Variants in FECH observed in about 807,000 individuals in gnomAD.
The protein encoded by FECH is ferrochelatase, mitochondrial.
In FECH, 40 loss-of-function variants were observed where a neutral mutation model predicts 56.9. That is an observed-to-expected ratio of 0.70 (90% confidence interval 0.55 to 0.92). The LOEUF is 0.92. FECH is among the 40% of genes least tolerant of loss of function. FECH has a pLI of 0.00. For synonymous variants in FECH, 175 were observed against 198.6 expected (o/e 0.88, Z 1.00); for missense variants, 431 against 529.1 (o/e 0.81, Z 1.82).
intron 4 of FECH, among the ~76,000 whole-genome samples, chr18:57,568,670 C>G (rs2122308111): frequency 6.6e-6 from 1 of 152,276 alleles, no homozygotes; most frequent in East Asian, 1.9e-4. Flanking sequence ...TACGTACCCT[C>G]AGAGCAGCTG....
intron 8 of FECH, 41 bp downstream of exon 8, chr18:57,554,804 C>A: frequency 6.7e-7 from 1 of 1,498,656 alleles, no homozygotes; most frequent in Non-Finnish European, 9.3e-7. Context: ...ATAAATTTTA[C>A]CAATAAGAGC....
At chr18:57,580,638 A>C (rs1286288365) in intron 1 of FECH, among the ~76,000 whole-genome samples, 1 of 152,162 alleles carries the variant, frequency 6.6e-6, no homozygotes, top group East Asian at 1.9e-4. Context: ...TCTGCCTCCA[A>C]GCCTTCTTCG....
At chr18:57,559,431 T>C (rs1396868475) in intron 6 of FECH, among the ~76,000 whole-genome samples, 188 bp from the exon 7 acceptor site, 17 of 152,216 alleles carry the variant, frequency 1.1e-4, no homozygotes, top group Non-Finnish European at 4.4e-5. Context: ...AAATGGATCA[T>C]AACAGTTTCA....
At chr18:57,566,704 G>T in intron 4 of FECH, 123 bp from the exon 5 acceptor site, 1 of 1,197,920 alleles carries the variant, frequency 8.3e-7, no homozygotes, top group Non-Finnish European at 1.2e-6. Flanking sequence ...TGGCACTGAC[G>T]GTGAAGGCAA....
At chr18:57,576,955 T>G (rs2122343902) in intron 2 of FECH, among the ~76,000 whole-genome samples, 1 of 152,334 alleles carries the variant, frequency 6.6e-6, no homozygotes, top group East Asian at 1.9e-4. Context: ...GCAAAATATA[T>G]TTAAAACTTC....
intron 9 of FECH, among the ~76,000 whole-genome samples, chr18:57,552,911 A>G (rs1446836020): frequency 6.6e-6 from 1 of 152,172 alleles, no homozygotes; most frequent in Non-Finnish European, 1.5e-5. Flanking sequence ...AGAAAAATAT[A>G]TACCAACACT....
In FECH at chr18:57,570,032, C is replaced by CGTGT. The variant is rs10608112; in HGVS notation, c.463+1356_463+1359dup. Reference sequence around the variant, plus strand: ...TTGCTGTTGTTGTTGTTGTTGTTGTCGTGTGTGTGTGTGTGTGTGTGTGTG... The same window carrying CGTGT: ...TTGCTGTTGTTGTTGTTGTTGTTGTCGTGTGTGTGTGTGTGTGTGTGTGTGTGTG... On this transcript the variant is annotated intron_variant, in intron 4 of 10. Coordinates refer to ENST00000262093, the MANE Select transcript of FECH (RefSeq NM_000140.5). Among the ~76,000 whole-genome samples, 890 of 122,822 alleles carry CGTGT rather than the reference C, an allele frequency of 7.2e-3. 10 individuals are homozygous for CGTGT. Among genetic ancestry groups the CGTGT allele is most frequent in the East Asian group, 0.023 (80 of 3,430 alleles). The allele number at this position is 122,822 out of a possible 152,430, so 80.6% of individuals were successfully genotyped here.
intron 1 of FECH, among the ~76,000 whole-genome samples, chr18:57,582,908 T>C (rs2122369710): frequency 6.7e-6 from 1 of 149,742 alleles, no homozygotes; most frequent in East Asian, 2.0e-4. Context: ...TGAGACTCCA[T>C]CTCAAAAAAA....
intron 4 of FECH, among the ~76,000 whole-genome samples, chr18:57,567,234 T>C (rs1416684411): frequency 6.6e-6 from 1 of 152,184 alleles, no homozygotes; most frequent in East Asian, 1.9e-4. Context: ...ATGATTAAAA[T>C]GATTCTCCTC....
At chr18:57,572,967 T>TA (rs2051135980) in intron 3 of FECH, 1 of 436,874 alleles carries the variant, frequency 2.3e-6, no homozygotes, top group African/African-American at 2.0e-5. Flanking sequence ...AATATATCTT[T>TA]AAAAATCTTT....
Position 57,573,383 on chromosome 18 carries a change from C to T in FECH, c.195-18G>A. 1 of 1,613,824 alleles carries T rather than the reference C, an allele frequency of 6.2e-7. No homozygotes were observed. The highest frequency in any genetic ancestry group is 8.5e-7 in the Non-Finnish European group (1 of 1,179,864). ...TCGGCTTCCTATATAAAATAAAATACAACGGTTGATTTGTCACACTTCTTA... is the reference window on the plus strand; with the variant it reads ...TCGGCTTCCTATATAAAATAAAATATAACGGTTGATTTGTCACACTTCTTA... On this transcript the variant is annotated intron_variant, in intron 2 of 10. Transcript: ENST00000262093.
chr18:57,568,447 A>G (rs976816521), intron 4 of FECH, among the ~76,000 whole-genome samples: 15 of 152,254 alleles, frequency 9.9e-5, no homozygotes, highest in Non-Finnish European at 1.9e-4. Flanking sequence ...GAGAAAAAGC[A>G]GCAAGGTACT....
At position 57,546,892 on chromosome 18, in the gene FECH, G is replaced by A. The variant is rs533470363; in HGVS notation, c.*3820C>T. Among the ~76,000 whole-genome samples the A allele has an allele frequency of 9.2e-5, 14 of 151,644 alleles. No homozygotes were observed. Among genetic ancestry groups the A allele is most frequent in the East Asian group, 7.8e-4 (4 of 5,138 alleles). On this transcript the variant is annotated 3_prime_UTR_variant, in exon 11 of 11. Coordinates refer to ENST00000262093, the MANE Select transcript of FECH (RefSeq NM_000140.5). Reference sequence around the variant, plus strand: ...GGATGATCCTTTGAACCCAAGAGGCGGAGGTTGCAGTGAGCCGAGATCGTG... The same window carrying A: ...GGATGATCCTTTGAACCCAAGAGGCAGAGGTTGCAGTGAGCCGAGATCGTG...
At chr18:57,554,751 A>G in intron 8 of FECH, 94 bp downstream of exon 8, 1 of 1,008,664 alleles carries the variant, frequency 9.9e-7, no homozygotes. Context: ...GAAGAGCCTG[A>G]CCATGTGTAA....
chr18:57,571,844 G>C (rs569432271), intron 3 of FECH, among the ~76,000 whole-genome samples: 28 of 152,144 alleles, frequency 1.8e-4, no homozygotes, highest in African/African-American at 6.8e-4. Flanking sequence ...AGCTACTAGC[G>C]TAACACATTT....
At position 57,548,321 on chromosome 18, in the gene FECH, AATTT is replaced by A. The variant is rs2050747395; in HGVS notation, c.*2387_*2390del. ...ATACGAAGCAAATTTTGAGTGCAAA[AATTT>A]ATTGTGATTTTTAAAAAGTTAAGTA... On this transcript the variant is annotated 3_prime_UTR_variant, in exon 11 of 11. Coordinates refer to ENST00000262093, the MANE Select transcript of FECH (RefSeq NM_000140.5). The A allele has an allele frequency of 6.6e-6, 1 of 152,054 alleles. No homozygotes were observed. The highest frequency in any genetic ancestry group is 2.4e-5 in the African/African-American group (1 of 41,396). The allele number at this position is 152,054 out of a possible 1,614,324, so 9.4% of individuals were successfully genotyped here.
chr18:57,565,333 C>T (rs985264467), intron 5 of FECH, among the ~76,000 whole-genome samples: 3 of 152,132 alleles, frequency 2.0e-5, no homozygotes, highest in East Asian at 3.8e-4. Flanking sequence ...AGGCTGAGTG[C>T]GGTGGCTCAC....
rs73959094 is a variant in FECH at position 57,544,808 on chromosome 18, G to A, written c.*5904C>T. Among the ~76,000 whole-genome samples the A allele has an allele frequency of 0.13, 19,018 of 151,658 alleles. 1,338 individuals are homozygous for A. The highest frequency in any genetic ancestry group is 0.22 in the Middle Eastern group (64 of 292). The stretch of plus-strand genomic sequence containing the variant: ...ACTTTCTTAAGTCTAAATAATCAAC[G>A]ACAAAAAAAAGGGCGAAATAATTAG... On this transcript the variant is annotated 3_prime_UTR_variant, in exon 11 of 11. Coordinates refer to ENST00000262093, the MANE Select transcript of FECH (RefSeq NM_000140.5).
At chr18:57,585,009 T>C (rs2051345841) in intron 1 of FECH, among the ~76,000 whole-genome samples, 5 of 150,318 alleles carry the variant, frequency 3.3e-5, no homozygotes, top group Admixed American at 2.0e-4. Flanking sequence ...ACACTCCATC[T>C]CTTAAAAAAA....
Sources: gnomAD v4.1 joint callset for allele counts (sites outside exome capture counted in the v4.1 genomes callset) on GRCh38, gnomAD v4.1.1 for gene constraint, MANE v1.5 for transcripts, NCBI Gene and HGNC (gene_info 2026-07-23, HGNC 2026-07-21) for gene names.